Variants in RNF216 observed in about 807,000 individuals in gnomAD.
The protein encoded by RNF216 is ring finger protein 216.
A neutral mutation model predicts 110.8 loss-of-function variants in RNF216; 72 were observed. That is an observed-to-expected ratio of 0.65 (90% CI 0.54 to 0.79). The LOEUF (loss-of-function observed/expected upper bound fraction) is 0.79, where lower values mean the gene tolerates loss of function less well. Ranked by LOEUF, RNF216 falls within the 30% of genes least tolerant of loss-of-function variation. RNF216 has a pLI of 0.00. For synonymous variants in RNF216, 495 were observed against 407.5 expected, an observed-to-expected ratio of 1.21 and a Z score of -2.59; for missense variants, 1,342 against 1,141.2, an observed-to-expected ratio of 1.18 and a Z score of -2.54.
intron 13 of RNF216, among the ~76,000 whole-genome samples, chr7:5,683,248 C>T (rs1239026557): frequency 1.3e-5 from 2 of 151,834 alleles, no homozygotes; most frequent in Admixed American, 1.3e-4. Context: ...CTCCTGGCCT[C>T]TTTGTTTATT....
intron 14 of RNF216, among the ~76,000 whole-genome samples, chr7:5,651,610 A>G (rs568150873): frequency 6.6e-6 from 1 of 152,164 alleles, no homozygotes; most frequent in South Asian, 2.1e-4. Context: ...TTATGAGAGA[A>G]GAGAAAGAGA....
chr7:5,637,908 C>T (rs547069713), intron 15 of RNF216, among the ~76,000 whole-genome samples: 6 of 152,310 alleles, frequency 3.9e-5, no homozygotes, highest in East Asian at 3.9e-4. Flanking sequence ...TGCGGTGGCG[C>T]GATCTTGGCT....
chr7:5,688,061 A>T (rs969116374), intron 13 of RNF216, among the ~76,000 whole-genome samples: 2 of 152,196 alleles, frequency 1.3e-5, no homozygotes, highest in Admixed American at 1.3e-4. Context: ...CGCAAATGGA[A>T]CCGAAGAGGT....
At chr7:5,660,248 C>T (rs1157161162) in intron 13 of RNF216, among the ~76,000 whole-genome samples, 20 of 130,006 alleles carry the variant, frequency 1.5e-4, no homozygotes, top group African/African-American at 4.6e-4. Flanking sequence ...CCACAGAGCC[C>T]GGCCCTGTTT....
intron 2 of RNF216, among the ~76,000 whole-genome samples, chr7:5,759,811 T>C (rs1359224515): frequency 1.3e-5 from 2 of 151,930 alleles, no homozygotes; most frequent in Non-Finnish European, 2.9e-5. Flanking sequence ...TTTGTATTTT[T>C]TAGTAGAGAT....
intron 15 of RNF216, among the ~76,000 whole-genome samples, chr7:5,638,405 C>T (rs956464995): frequency 1.3e-5 from 2 of 152,096 alleles, no homozygotes; most frequent in Non-Finnish European, 2.9e-5. Flanking sequence ...CTGTCTCCTG[C>T]GGATAACCTT....
chr7:5,730,647 A>G, intron 6 of RNF216, 68 bp downstream of exon 6: 1 of 1,595,320 alleles, frequency 6.3e-7, no homozygotes, highest in Non-Finnish European at 8.5e-7. Flanking sequence ...AGAGATAACA[A>G]CAACAACAAC....
rs1332795493 is a variant in RNF216 at position 5,622,449 on chromosome 7, C to T, written c.*411G>A. 1 of 168,374 alleles carries T rather than the reference C, an allele frequency of 5.9e-6. No individual in the cohort carries two copies. The highest frequency in any genetic ancestry group is 1.3e-5 in the Non-Finnish European group (1 of 79,148). The allele number at this position is 168,374 out of a possible 1,614,324, so 10.4% of individuals were successfully genotyped here. Reference sequence around the variant, plus strand: ...CTTCCCAGGCCCGCAGGTGCAGCCCCCTCTGCCCTTGGCCCAACCGTGGGC... The same window carrying T: ...CTTCCCAGGCCCGCAGGTGCAGCCCTCTCTGCCCTTGGCCCAACCGTGGGC... On this transcript the variant is annotated 3_prime_UTR_variant, in exon 17 of 17. Transcript: ENST00000389902.
At chr7:5,707,781 C>T (rs369865768) in intron 13 of RNF216, among the ~76,000 whole-genome samples, 2 of 138,844 alleles carry the variant, frequency 1.4e-5, no homozygotes, top group African/African-American at 5.5e-5. Context: ...TGGAGTACAG[C>T]GGCACAATCT....
intron 15 of RNF216, among the ~76,000 whole-genome samples, chr7:5,638,001 C>T (rs936496659): frequency 3.3e-5 from 5 of 152,218 alleles, no homozygotes; most frequent in African/African-American, 1.2e-4. Flanking sequence ...CCGCAACAAC[C>T]TGTAGTGGCT....
chr7:5,755,190 AAGG>A (rs1256557948), intron 2 of RNF216, among the ~76,000 whole-genome samples: 3 of 133,208 alleles, frequency 2.3e-5, no homozygotes, highest in Non-Finnish European at 4.9e-5. Context: ...AGGAAGAAGG[AAGG>A]AAGGAAGGGA....
intron 4 of RNF216, 173 bp from the exon 5 acceptor site, chr7:5,739,525 C>T: frequency 1.4e-6 from 1 of 706,172 alleles, no homozygotes; most frequent in East Asian, 2.8e-5. Flanking sequence ...CATCTGTCTA[C>T]ATAGAAGATG....
chr7:5,669,241 T>C (rs578055600), intron 13 of RNF216, among the ~76,000 whole-genome samples: 8 of 152,250 alleles, frequency 5.3e-5, no homozygotes, highest in Admixed American at 1.3e-4. Context: ...TTCCGACACA[T>C]AGTAAAGTTG....
intron 15 of RNF216, among the ~76,000 whole-genome samples, chr7:5,634,030 A>G (rs956095184): frequency 1.3e-5 from 2 of 152,250 alleles, no homozygotes; most frequent in African/African-American, 4.8e-5. Flanking sequence ...CACAAATCAG[A>G]TATGAACAGT....
intron 7 of RNF216, among the ~76,000 whole-genome samples, chr7:5,726,046 G>A (rs1304261269): frequency 2.0e-5 from 3 of 152,108 alleles, no homozygotes; most frequent in Non-Finnish European, 4.4e-5. Context: ...GGAGGATGAC[G>A]GGGGTGGATC....
chr7:5,718,953 T>C lies in RNF216; in HGVS notation c.1644+2080A>G, dbSNP rs183049312. Reference sequence around the variant, plus strand: ...GATTACATGCATAAGCCACTGTGCCTGGCCAGAAACGAATAAACTTGTTTA... The same window carrying C: ...GATTACATGCATAAGCCACTGTGCCCGGCCAGAAACGAATAAACTTGTTTA... On this transcript the variant is annotated intron_variant, in intron 9 of 16. Coordinates refer to ENST00000389902, the MANE Select transcript of RNF216 (RefSeq NM_207111.4). Among the ~76,000 whole-genome samples the C allele has an allele frequency of 3.1e-4, 47 of 152,348 alleles. No individual in the cohort carries two copies. In the East Asian group the frequency reaches 9.1e-3, roughly 29 times the overall value.
intron 1 of RNF216, among the ~76,000 whole-genome samples, chr7:5,764,958 T>C (rs1796125023): frequency 6.6e-6 from 1 of 151,500 alleles, no homozygotes; most frequent in Admixed American, 6.6e-5. Flanking sequence ...TGATCCCAGC[T>C]ACTCCTGAGG....
At chr7:5,631,863 G>A (rs1184527408) in intron 15 of RNF216, among the ~76,000 whole-genome samples, 4 of 152,154 alleles carry the variant, frequency 2.6e-5, no homozygotes, top group Admixed American at 6.5e-5. Context: ...AGATTCCATT[G>A]TAGAAGGTCA....
intron 15 of RNF216, among the ~76,000 whole-genome samples, chr7:5,640,510 G>C (rs1368895243): frequency 6.6e-6 from 1 of 151,974 alleles, no homozygotes; most frequent in Non-Finnish European, 1.5e-5. Context: ...CTTTCTTTCC[G>C]ATCCCCAAAC....
Sources: allele counts gnomAD v4.1 joint callset (sites outside exome capture counted in the v4.1 genomes callset), GRCh38; gene constraint gnomAD v4.1.1; transcripts MANE v1.5; gene names NCBI Gene and HGNC (gene_info 2026-07-23, HGNC 2026-07-21).